The following NAMPT variants were observed in gnomAD, a reference collection of about 807,000 sequenced individuals.
NAMPT encodes the protein NAmPRTase.
In NAMPT, 7 loss-of-function variants were observed where a neutral mutation model predicts 58.7. That is an observed-to-expected ratio of 0.12 (90% CI 0.07 to 0.22). The LOEUF is 0.22. NAMPT is among the 10% of genes least tolerant of loss of function. The pLI is 1.00. For synonymous variants in NAMPT, 145 were observed against 198.1 expected (o/e 0.73, Z 2.25); for missense variants, 271 against 567.9 (o/e 0.48, Z 5.31).
rs745835529 is a variant in NAMPT, at chr7:106,284,918, G to T, written c.-34C>A. 1 of 1,568,548 alleles carries T rather than the reference G, an allele frequency of 6.4e-7. No homozygotes were observed. The highest frequency in any genetic ancestry group is 2.3e-5 in the East Asian group (1 of 42,558). ...GGAGGACAGGGGCCGCGCGCCGCGA[G>T]CTCCCTGGCGCGGCTGCGAGGAAGG... is the stretch of plus-strand genomic sequence containing the variant. On this transcript the variant is annotated 5_prime_UTR_variant, in exon 1 of 11. Coordinates refer to ENST00000222553, the MANE Select transcript of NAMPT (RefSeq NM_005746.3).
At chr7:106,261,549 A>G in intron 8 of NAMPT, 39 bp downstream of exon 8, 1 of 1,418,710 alleles carries the variant, frequency 7.0e-7, no homozygotes, top group Non-Finnish European at 9.7e-7. Flanking sequence ...CTTAATTATA[A>G]GAAATGCCTT....
chr7:106,270,673 A>G (rs1792514889), intron 4 of NAMPT, among the ~76,000 whole-genome samples: 1 of 152,160 alleles, frequency 6.6e-6, no homozygotes, highest in South Asian at 2.1e-4. Flanking sequence ...TTAGAACCCC[A>G]AGACTACCAT....
At chr7:106,279,476 CT>C (rs1213666541) in intron 1 of NAMPT, among the ~76,000 whole-genome samples, 1 of 152,110 alleles carries the variant, frequency 6.6e-6, no homozygotes, top group Non-Finnish European at 1.5e-5. Context: ...TAAAGCAGAG[CT>C]TTTTAAGAAA....
chr7:106,275,250 A>G (rs1792610664), intron 2 of NAMPT: 1 of 356,920 alleles, frequency 2.8e-6, no homozygotes, highest in Non-Finnish European at 5.1e-6. Flanking sequence ...ATAAATGTTT[A>G]TTTATTGTAA....
intron 2 of NAMPT, chr7:106,276,048 AAACTTTGGTATT>A (rs1319906316): frequency 2.0e-5 from 3 of 152,196 alleles, no homozygotes; most frequent in Non-Finnish European, 2.9e-5. Context: ...CAAAACAAAA[AAACTTTGGTATT>A]AACTTTGGTA....
chr7:106,270,278 G>T, intron 4 of NAMPT: 1 of 412,188 alleles, frequency 2.4e-6, no homozygotes, highest in South Asian at 1.8e-5. Flanking sequence ...ATTGTTATTT[G>T]AAGCAGCTTC....
intron 6 of NAMPT, among the ~76,000 whole-genome samples, chr7:106,266,101 A>T (rs1792403046): frequency 6.6e-6 from 1 of 152,158 alleles, no homozygotes; most frequent in African/African-American, 2.4e-5. Context: ...GCCACCCACT[A>T]TGTCAGCCGG....
intron 6 of NAMPT, among the ~76,000 whole-genome samples, chr7:106,264,153 T>C (rs955728694): frequency 2.6e-5 from 4 of 152,180 alleles, no homozygotes; most frequent in Non-Finnish European, 4.4e-5. Flanking sequence ...TACATACATA[T>C]AGTCAACTAC....
intron 2 of NAMPT, 180 bp from the exon 3 acceptor site, chr7:106,275,229 TAACTC>T (rs1792609860): frequency 4.9e-6 from 2 of 408,540 alleles, no homozygotes; most frequent in South Asian, 1.2e-4. Flanking sequence ...GTACTTTTAA[TAACTC>T]AAAGTATAAA....
rs1228242606 is a variant in NAMPT at position 106,248,652 on chromosome 7, T to A, written c.*2431A>T. The A allele has an allele frequency of 6.6e-6, 1 of 152,088 alleles. No individual in the cohort carries two copies. The highest frequency in any genetic ancestry group is 6.6e-5 in the Admixed American group (1 of 15,244). 9.4% of individuals were successfully genotyped at this position (152,088 alleles called of 1,614,324 possible). A position where few individuals can be genotyped will look rare whatever the true frequency, so the allele number is the denominator to read the frequency against. ...CAGAAATCCTACCTCCTATTTAAGA[T>A]ATAAATACTTGATGATATAATCAAT... On this transcript the variant is annotated 3_prime_UTR_variant, in exon 11 of 11. Coordinates refer to ENST00000222553, the MANE Select transcript of NAMPT (RefSeq NM_005746.3).
intron 8 of NAMPT, among the ~76,000 whole-genome samples, chr7:106,260,369 T>A (rs1230681660): frequency 6.6e-6 from 1 of 152,258 alleles, no homozygotes; most frequent in African/African-American, 2.4e-5. Flanking sequence ...TTCTGCAGCT[T>A]CATCACCTCT....
intron 4 of NAMPT, chr7:106,271,982 C>T (rs1301327167): frequency 4.5e-6 from 1 of 220,228 alleles, no homozygotes; most frequent in East Asian, 1.7e-4. Context: ...AAAAAAAAGG[C>T]TCGCAGTATA....
chr7:106,284,757 C>T, intron 1 of NAMPT, 71 bp downstream of exon 1: 1 of 1,352,008 alleles, frequency 7.4e-7, no homozygotes. Context: ...CCAGCCGCCC[C>T]CGCCCCCCTG....
chr7:106,279,205 C>T (rs1017043259), intron 1 of NAMPT, among the ~76,000 whole-genome samples: 28 of 152,258 alleles, frequency 1.8e-4, no homozygotes, highest in Admixed American at 5.2e-4. Flanking sequence ...AAAACAAATA[C>T]CATTTAAAAT....
intron 2 of NAMPT, chr7:106,276,058 A>T (rs1477852568): frequency 6.6e-6 from 1 of 152,230 alleles, no homozygotes; most frequent in Non-Finnish European, 1.5e-5. Context: ...AAACTTTGGT[A>T]TTAACTTTGG....
chr7:106,268,571 C>T lies in NAMPT; in HGVS notation c.636G>A (p.Leu212=). Residue 212 remains leucine, a synonymous_variant, in exon 6 of 11, where the codon TTG becomes TTA. Coordinates refer to ENST00000222553, the MANE Select transcript of NAMPT (RefSeq NM_005746.3). ...CTGTATCTGTTCCTTTGAAGTTAAC[C>T]AAGTGAGCAGATGCTCCTATGCCAG... ...ETAGIGASAH[L]VNFKGTDTVA... 6.2e-7 allele frequency: 1 copy of T among 1,611,342 alleles called. No individual in the cohort carries two copies.
intron 6 of NAMPT, among the ~76,000 whole-genome samples, chr7:106,265,071 T>A (rs1586017807): frequency 6.6e-6 from 1 of 152,154 alleles, no homozygotes; most frequent in East Asian, 1.9e-4. Context: ...TGCCAGTAGC[T>A]ATGATGTCAA....
Position 106,263,545 on chromosome 7 carries a change from C to T in NAMPT, c.816G>A (p.Val272=). Residue 272 remains valine (V), a synonymous_variant, in exon 7 of 11, where the codon GTG becomes GTA. Coordinates refer to ENST00000222553, the MANE Select transcript of NAMPT (RefSeq NM_005746.3). ...FEHIVTQFSS[V]PVSVVSDSYD... ...AGCTATCGCTGACCACAGATACAGG[C>T]ACTGATGAAAACTGTGTTACAATAT... The T allele has an allele frequency of 9.3e-6, 15 of 1,613,314 alleles. No homozygotes were observed. Among genetic ancestry groups the T allele is most frequent in the Non-Finnish European group, 1.3e-5 (15 of 1,179,380 alleles).
chr7:106,256,082 G>T (rs1792194052), intron 8 of NAMPT, among the ~76,000 whole-genome samples: 2 of 152,118 alleles, frequency 1.3e-5, no homozygotes, highest in South Asian at 4.1e-4. Context: ...TTTAATACAT[G>T]TGAGACTTCA....
Sources: allele counts gnomAD v4.1 joint callset (sites outside exome capture counted in the v4.1 genomes callset), GRCh38; gene constraint gnomAD v4.1.1; transcripts MANE v1.5; gene names NCBI Gene and HGNC (gene_info 2026-07-23, HGNC 2026-07-21).